The following KIAA0825 variants were observed in gnomAD, a reference collection of about 807,000 sequenced individuals.
KIAA0825 encodes uncharacterized protein KIAA0825.
Under a neutral mutation model 147.6 loss-of-function variants are expected in KIAA0825, and 119 were observed. The ratio of observed to expected loss-of-function variants is 0.81; its 90% confidence interval spans 0.69 to 0.94. The LOEUF (loss-of-function observed/expected upper bound fraction) is 0.94, where lower values mean the gene tolerates loss of function less well. Ranked by LOEUF, KIAA0825 falls within the 40% of genes least tolerant of loss-of-function variation. KIAA0825 has a pLI of 0.00. For missense variants in KIAA0825, 1,381 were observed against 1,472.7 expected, an observed-to-expected ratio of 0.94 and a Z score of 1.02; for synonymous variants, 470 against 518.1, an observed-to-expected ratio of 0.91 and a Z score of 1.26.
chr5:94,238,935 T>C (rs1431512301), intron 20 of KIAA0825, among the ~76,000 whole-genome samples: 2 of 152,218 alleles, frequency 1.3e-5, no homozygotes, highest in Non-Finnish European at 2.9e-5. Context: ...GGCACATTTG[T>C]GCCACTATAT....
intron 20 of KIAA0825, among the ~76,000 whole-genome samples, chr5:94,190,743 G>GTGA (rs1386461823): frequency 1.3e-5 from 2 of 151,762 alleles, no homozygotes; most frequent in African/African-American, 4.8e-5. Context: ...TTTTGATATG[G>GTGA]TGAATTGAAT....
chr5:94,326,138 C>T (rs1241445558), intron 20 of KIAA0825, among the ~76,000 whole-genome samples: 1 of 151,974 alleles, frequency 6.6e-6, no homozygotes, highest in Non-Finnish European at 1.5e-5. Flanking sequence ...TGTTGAAAAA[C>T]ACTATATTTT....
intron 20 of KIAA0825, among the ~76,000 whole-genome samples, chr5:94,273,916 T>C (rs1777098926): frequency 6.6e-6 from 1 of 152,000 alleles, no homozygotes; most frequent in African/African-American, 2.4e-5. Context: ...GAGAAAAAAA[T>C]ATTAAGCTTA....
At chr5:94,515,735 T>G (rs1038177444) in intron 5 of KIAA0825, among the ~76,000 whole-genome samples, 5 of 147,678 alleles carry the variant, frequency 3.4e-5, no homozygotes, top group African/African-American at 1.3e-4. Context: ...GAGGTTGCAG[T>G]GAGCCGAGAT....
intron 5 of KIAA0825, among the ~76,000 whole-genome samples, chr5:94,486,786 T>A (rs939974511): frequency 6.6e-6 from 1 of 152,196 alleles, no homozygotes; most frequent in Non-Finnish European, 1.5e-5. Flanking sequence ...TTTGGTCTAT[T>A]TGACTTATCT....
At chr5:94,457,440 A>G (rs1285015350) in intron 12 of KIAA0825, among the ~76,000 whole-genome samples, 2 of 152,240 alleles carry the variant, frequency 1.3e-5, no homozygotes, top group Non-Finnish European at 2.9e-5. Context: ...TTCCCAAATG[A>G]ACACACTGTA....
chr5:94,483,346 C>T (rs1280341369), intron 6 of KIAA0825, among the ~76,000 whole-genome samples: 2 of 151,920 alleles, frequency 1.3e-5, no homozygotes, highest in Non-Finnish European at 2.9e-5. Context: ...TTGATGCATA[C>T]CTCAGAAAAG....
chr5:94,520,341 T>G lies in KIAA0825; in HGVS notation c.877A>C (p.Asn293His). The part of the protein sequence containing the change: ...VTEEMAKFLE[N>H]FCELQFRENA... Reference sequence around the variant, plus strand: ...TCTCTGAACTGCAGCTCACAAAAATTTTCAAGAAATTTTGCCATTTCTTCT... The same window carrying G: ...TCTCTGAACTGCAGCTCACAAAAATGTTCAAGAAATTTTGCCATTTCTTCT... The change falls in exon 5 of 21, where the codon AAT becomes CAT. Residue 293 changes from asparagine to histidine, a missense_variant. Physicochemically the swap from Asn to His is moderately conservative, Grantham distance 68. Transcript: ENST00000682413. The G allele has an allele frequency of 6.2e-7, 1 of 1,613,514 alleles. No individual in the cohort carries two copies. Among genetic ancestry groups the G allele is most frequent in the Non-Finnish European group, 8.5e-7 (1 of 1,179,542 alleles).
chr5:94,393,462 C>T (rs1292531137), intron 17 of KIAA0825, among the ~76,000 whole-genome samples: 1 of 152,194 alleles, frequency 6.6e-6, no homozygotes, highest in Non-Finnish European at 1.5e-5. Context: ...GTATGCAAGA[C>T]AGGCAACACT....
chr5:94,215,326 G>C (rs1157164518), intron 20 of KIAA0825, among the ~76,000 whole-genome samples: 3 of 152,150 alleles, frequency 2.0e-5, no homozygotes, highest in African/African-American at 7.2e-5. Flanking sequence ...CAGGTACGTT[G>C]CACATAGGCC....
At chr5:94,495,537 G>A (rs1176728987) in intron 5 of KIAA0825, among the ~76,000 whole-genome samples, 2 of 152,222 alleles carry the variant, frequency 1.3e-5, no homozygotes, top group Non-Finnish European at 2.9e-5. Flanking sequence ...GCAGTGACAG[G>A]AGACAGGTAC....
chr5:94,611,672 A>G (rs896603989), intron 1 of KIAA0825, among the ~76,000 whole-genome samples: 1 of 143,856 alleles, frequency 7.0e-6, no homozygotes, highest in African/African-American at 2.5e-5. Context: ...GAGGCTGGGC[A>G]TGGTGCCTCA....
intron 20 of KIAA0825, among the ~76,000 whole-genome samples, chr5:94,330,584 C>T (rs777895567): frequency 2.6e-5 from 4 of 151,902 alleles, no homozygotes; most frequent in Non-Finnish European, 4.4e-5. Flanking sequence ...AAATTTATAA[C>T]ATTAAATGCT....
At chr5:94,450,253 C>T (rs930550933) in intron 13 of KIAA0825, among the ~76,000 whole-genome samples, 5 of 149,346 alleles carry the variant, frequency 3.3e-5, no homozygotes, top group Non-Finnish European at 7.4e-5. Context: ...TCTATATGTA[C>T]TTTTTTTTGT....
chr5:94,205,299 A>ATATATATATATATATATTTT, intron 20 of KIAA0825, among the ~76,000 whole-genome samples: 1 of 137,908 alleles, frequency 7.3e-6, no homozygotes, highest in African/African-American at 2.8e-5. Flanking sequence ...ATATATATAT[A>ATATATATATATATATATTTT]TTTTGTTTTG....
intron 5 of KIAA0825, among the ~76,000 whole-genome samples, chr5:94,514,022 T>G (rs143673781): frequency 4.6e-5 from 7 of 152,288 alleles, no homozygotes; most frequent in African/African-American, 1.7e-4. Context: ...AGAACTGGAA[T>G]TGCTGCATTG....
intron 20 of KIAA0825, among the ~76,000 whole-genome samples, chr5:94,171,760 C>T (rs1181874412): frequency 6.6e-6 from 1 of 152,014 alleles, no homozygotes; most frequent in Non-Finnish European, 1.5e-5. Flanking sequence ...TTGTAATTCT[C>T]TTCTTTCTGG....
At chr5:94,216,290 A>G (rs988976315) in intron 20 of KIAA0825, among the ~76,000 whole-genome samples, 1 of 152,182 alleles carries the variant, frequency 6.6e-6, no homozygotes, top group African/African-American at 2.4e-5. Context: ...TCACTGTGGA[A>G]GTAAATGGAA....
At chr5:94,333,770 A>G (rs71580776) in intron 20 of KIAA0825, among the ~76,000 whole-genome samples, 21,250 of 152,142 alleles carry the variant, frequency 0.14, 1,675 homozygotes, top group African/African-American at 0.21. Context: ...TACAAAATCA[A>G]TGTGCAAAAA....
Sources: allele counts gnomAD v4.1 joint callset (sites outside exome capture counted in the v4.1 genomes callset), GRCh38; gene constraint gnomAD v4.1.1; transcripts MANE v1.5; gene names NCBI Gene and HGNC (gene_info 2026-07-23, HGNC 2026-07-21).